Variants in TRIM60 observed in about 807,000 individuals in gnomAD.
TRIM60 encodes the protein tripartite motif containing 60.
For missense variants in TRIM60, 524 were observed against 540.8 expected (o/e 0.97, Z 0.31); for synonymous variants, 189 against 195.2 (o/e 0.97, Z 0.27).
At chr4:165,038,831 TGGGG>T (rs1733682861) in intron 1 of TRIM60, among the ~76,000 whole-genome samples, 2 of 151,850 alleles carry the variant, frequency 1.3e-5, no homozygotes, top group African/African-American at 4.8e-5. Context: ...TCCAGCACTT[TGGGG>T]AGGCCAAGGA....
intron 2 of TRIM60, 24 bp from the exon 3 acceptor site, chr4:165,040,045 C>G (rs1057013675): frequency 2.5e-6 from 4 of 1,594,118 alleles, no homozygotes; most frequent in Admixed American, 1.7e-5. Flanking sequence ...GGGAGGTTAC[C>G]TTATGCATTA....
rs548312414 is a variant in TRIM60 at position 165,039,216 on chromosome 4, C to T, written c.-41C>T. 7 of 151,958 alleles carry T rather than the reference C, an allele frequency of 4.6e-5. No individual in the cohort carries two copies. The highest frequency in any genetic ancestry group is 1.0e-4 in the Non-Finnish European group (7 of 68,004). The allele number at this position is 151,958 out of a possible 1,614,324, so 9.4% of individuals were successfully genotyped here. ...CCCATTGCAGGTCATCAGTTTGCCC[C>T]ATCATTGGTTAAGGTGGTATTCTCT... On this transcript the variant is annotated 5_prime_UTR_variant, in exon 2 of 3. Coordinates refer to ENST00000512596, the MANE Select transcript of TRIM60 (RefSeq NM_152620.3).
chr4:165,037,464 C>T (rs1733645823), intron 1 of TRIM60, among the ~76,000 whole-genome samples: 2 of 151,886 alleles, frequency 1.3e-5, no homozygotes, highest in East Asian at 2.0e-4. Context: ...GCTGGGACTA[C>T]AGGCATGTGC....
chr4:165,036,820 G>A (rs1733632265), intron 1 of TRIM60, among the ~76,000 whole-genome samples: 1 of 151,126 alleles, frequency 6.6e-6, no homozygotes, highest in Non-Finnish European at 1.5e-5. Context: ...GGCAGAGGTT[G>A]CAGTGAGCCG....
chr4:165,040,691 G>A lies in TRIM60; in HGVS notation c.619G>A (p.Asp207Asn). ...AGAGATGATTCTTAGGCAGATACAA[G>A]ATGAAGAGATGAACATTTTAGCAAA... ...EQEMILRQIQ[D>N]EEMNILAKLN... Residue 207 changes from aspartate (D) to asparagine (N), a missense_variant, in exon 3 of 3, where the codon GAT becomes AAT. Physicochemically the swap from Asp to Asn is conservative, Grantham distance 23 (BLOSUM62 1). Transcript: ENST00000512596. 2.5e-6 allele frequency: 4 copies of A among 1,613,814 alleles called. No individual in the cohort carries two copies. The highest frequency in any genetic ancestry group is 1.1e-5 in the South Asian group (1 of 91,024).
chr4:165,032,319 C>T (rs1733521090), intron 1 of TRIM60, among the ~76,000 whole-genome samples: 1 of 152,170 alleles, frequency 6.6e-6, no homozygotes, highest in Non-Finnish European at 1.5e-5. Context: ...CGCAATCTCG[C>T]CTCACTGCAA....
chr4:165,038,640 CAA>C (rs34680036), intron 1 of TRIM60, among the ~76,000 whole-genome samples: 3,253 of 64,584 alleles, frequency 0.05, 104 homozygotes, highest in African/African-American at 0.12. Flanking sequence ...GACCCTGTCT[CAA>C]AAAAAAAAAA....
chr4:165,032,644 T>A (rs1733530828), intron 1 of TRIM60, among the ~76,000 whole-genome samples: 1 of 152,150 alleles, frequency 6.6e-6, no homozygotes, highest in East Asian at 1.9e-4. Flanking sequence ...GGCCACGTGA[T>A]CTCCAAAAAT....
Position 165,040,417 on chromosome 4 carries a change from ATGTACACAG to A in TRIM60, c.348_356del (p.Thr117_Cys119del). ...TCTGTGTTAAAGATCTAGAGATCTT[ATGTACACAG>A]TGCAGTTTCTCCACTAAACACCAGA... is the stretch of plus-strand genomic sequence containing the variant. On this transcript the variant is annotated inframe_deletion, in exon 3 of 3. Coordinates refer to ENST00000512596, the MANE Select transcript of TRIM60 (RefSeq NM_152620.3). 1.2e-6 allele frequency: 2 copies of A among 1,614,178 alleles called. No homozygotes were observed. The highest frequency in any genetic ancestry group is 1.7e-6 in the Non-Finnish European group (2 of 1,179,984).
chr4:165,033,184 G>T (rs2111205711), intron 1 of TRIM60, among the ~76,000 whole-genome samples: 1 of 152,272 alleles, frequency 6.6e-6, no homozygotes, highest in African/African-American at 2.4e-5. Context: ...GTGAGATCCT[G>T]TCTCAAAAAG....
chr4:165,041,692 A>G lies in TRIM60; in HGVS notation c.*204A>G. ...CAGGTGCTTTGATTTCTAAGATAAAATATTTTAGAATTATGTTACTTAACA... is the reference window on the plus strand; with the variant it reads ...CAGGTGCTTTGATTTCTAAGATAAAGTATTTTAGAATTATGTTACTTAACA... On this transcript the variant is annotated 3_prime_UTR_variant, in exon 3 of 3. Transcript: ENST00000512596. 1 of 399,832 alleles carries G rather than the reference A, an allele frequency of 2.5e-6. No homozygotes were observed. The highest frequency in any genetic ancestry group is 4.6e-6 in the Non-Finnish European group (1 of 218,264). The allele number at this position is 399,832 out of a possible 1,614,324, so 24.8% of individuals were successfully genotyped here.
chr4:165,036,737 C>T (rs968969295), intron 1 of TRIM60, among the ~76,000 whole-genome samples: 4 of 151,796 alleles, frequency 2.6e-5, no homozygotes, highest in East Asian at 3.9e-4. Flanking sequence ...AAAAATTAGC[C>T]GGTCATGGTG....
rs1336865568 is a variant in TRIM60, at chr4:165,039,214, CCCA to C, written c.-42_-40del. On this transcript the variant is annotated 5_prime_UTR_variant, in exon 2 of 3. Coordinates refer to ENST00000512596, the MANE Select transcript of TRIM60 (RefSeq NM_152620.3). ...TCCCCATTGCAGGTCATCAGTTTGC[CCCA>C]TCATTGGTTAAGGTGGTATTCTCTA... 1 of 151,856 alleles carries C rather than the reference CCCA, an allele frequency of 6.6e-6. No individual in the cohort carries two copies. The allele number at this position is 151,856 out of a possible 1,614,324, so 9.4% of individuals were successfully genotyped here. A position where few individuals can be genotyped will look rare whatever the true frequency, so the allele number is the denominator to read the frequency against.
intron 1 of TRIM60, among the ~76,000 whole-genome samples, chr4:165,035,597 T>A (rs967916920): frequency 6.6e-6 from 1 of 152,226 alleles, no homozygotes; most frequent in Admixed American, 6.5e-5. Context: ...TGGGAAGAGA[T>A]CATGCAGGCT....
At chr4:165,037,556 C>G (rs1733648403) in intron 1 of TRIM60, among the ~76,000 whole-genome samples, 1 of 152,044 alleles carries the variant, frequency 6.6e-6, no homozygotes, top group Admixed American at 6.6e-5. Flanking sequence ...GTCTCTTGAT[C>G]TCGTGATCTG....
At position 165,040,562 on chromosome 4, in the gene TRIM60, C is replaced by T; in HGVS notation, c.490C>T (p.Leu164=). ...AGAACGAGTTGAAAAAGTGATAATTCTGCAAGGCAGCAAATCAGTGGAGCT... is the reference window on the plus strand; with the variant it reads ...AGAACGAGTTGAAAAAGTGATAATTTTGCAAGGCAGCAAATCAGTGGAGCT... ...NIERVEKVII[L]QGSKSVELKK... The change falls in exon 3 of 3, where the codon CTG becomes TTG. Residue 164 remains leucine, a synonymous_variant. Coordinates refer to ENST00000512596, the MANE Select transcript of TRIM60 (RefSeq NM_152620.3). 1 of 1,614,090 alleles carries T rather than the reference C, an allele frequency of 6.2e-7. No homozygotes were observed.
intron 2 of TRIM60, chr4:165,039,653 C>T (rs1037781396): frequency 6.5e-6 from 1 of 153,262 alleles, no homozygotes; most frequent in South Asian, 2.0e-4. Context: ...AAAAAATTAG[C>T]CGGGCGCGGT....
intron 1 of TRIM60, among the ~76,000 whole-genome samples, chr4:165,035,725 T>G (rs1733607364): frequency 6.7e-6 from 1 of 149,956 alleles, no homozygotes; most frequent in Non-Finnish European, 1.5e-5. Flanking sequence ...TCTTTTTTTC[T>G]TTCTTTTTTT....
At chr4:165,036,448 C>G (rs983319337) in intron 1 of TRIM60, among the ~76,000 whole-genome samples, 1 of 151,874 alleles carries the variant, frequency 6.6e-6, no homozygotes, top group African/African-American at 2.4e-5. Context: ...CTTAATTTCC[C>G]CCTCATTAGA....
Sources: allele counts gnomAD v4.1 joint callset (sites outside exome capture counted in the v4.1 genomes callset), GRCh38; gene constraint gnomAD v4.1.1; transcripts MANE v1.5; gene names NCBI Gene and HGNC (gene_info 2026-07-23, HGNC 2026-07-21).